The following METTL8 variants were observed in gnomAD, a reference collection of about 807,000 sequenced individuals.
The protein encoded by METTL8 is methyltransferase 8, tRNA N3-cytidine, also known as tRNA N(3)-cytidine methyltransferase METTL8, mitochondrial.
Under a neutral mutation model 48.7 loss-of-function variants are expected in METTL8, and 32 were observed. That is an observed-to-expected ratio of 0.66 (90% CI 0.50 to 0.88). The LOEUF is 0.88. Ranked by LOEUF, METTL8 falls within the 40% of genes least tolerant of loss-of-function variation. The probability of loss-of-function intolerance (pLI) is 0.00; values close to 1 mark genes in which losing one functional copy is unlikely to be tolerated. For missense variants in METTL8, 464 were observed against 474.4 expected (o/e 0.98, Z 0.20); for synonymous variants, 136 against 157.1 (o/e 0.87, Z 1.01).
intron 7 of METTL8, 103 bp downstream of exon 7, chr2:171,330,456 A>T: frequency 1.8e-6 from 2 of 1,134,898 alleles, no homozygotes; most frequent in Non-Finnish European, 2.5e-6. Flanking sequence ...GTTGCTCACT[A>T]AATAATAAAT....
At chr2:171,360,338 A>G in intron 3 of METTL8, 84 bp downstream of exon 3, 2 of 1,139,456 alleles carry the variant, frequency 1.8e-6, no homozygotes, top group South Asian at 2.8e-5. Context: ...AGGAGAGGCT[A>G]AGAACTCTCA....
chr2:171,335,041 T>G (rs1313995866), intron 5 of METTL8, among the ~76,000 whole-genome samples: 1 of 152,192 alleles, frequency 6.6e-6, no homozygotes, highest in Non-Finnish European at 1.5e-5. Flanking sequence ...TGTATTTACG[T>G]GTATTATAAG....
At chr2:171,328,423 C>A (rs1380026988) in intron 7 of METTL8, among the ~76,000 whole-genome samples, 12 of 152,214 alleles carry the variant, frequency 7.9e-5, no homozygotes, top group African/African-American at 2.9e-4. Flanking sequence ...ATTTTCCAAG[C>A]TACCAAGATG....
chr2:171,393,399 T>TA (rs1688765589), intron 1 of METTL8, among the ~76,000 whole-genome samples: 1 of 9,384 alleles, frequency 1.1e-4, no homozygotes, highest in African/African-American at 4.0e-4. Flanking sequence ...CTCTGTCTTA[T>TA]AAAAAAGCAA....
intron 1 of METTL8, among the ~76,000 whole-genome samples, chr2:171,424,792 A>C (rs1481177535): frequency 6.6e-6 from 1 of 152,208 alleles, no homozygotes; most frequent in Non-Finnish European, 1.5e-5. Context: ...TGCTGGAATA[A>C]GACTTTGGGA....
At chr2:171,352,903 T>A (rs1388871558) in intron 3 of METTL8, among the ~76,000 whole-genome samples, 3 of 152,236 alleles carry the variant, frequency 2.0e-5, no homozygotes, top group Admixed American at 1.3e-4. Context: ...ATTTTGTTGA[T>A]CTTTTCAAAA....
At chr2:171,415,703 T>C (rs1691246536) in intron 1 of METTL8, among the ~76,000 whole-genome samples, 1 of 152,136 alleles carries the variant, frequency 6.6e-6, no homozygotes, top group South Asian at 2.1e-4. Flanking sequence ...TTAGAAAATA[T>C]AAAAATATTT....
intron 1 of METTL8, among the ~76,000 whole-genome samples, chr2:171,407,941 C>G (rs1312763498): frequency 6.6e-6 from 1 of 152,210 alleles, no homozygotes; most frequent in East Asian, 1.9e-4. Flanking sequence ...ACATAGCACA[C>G]AACAGCACAG....
chr2:171,342,567 G>A (rs77399523), intron 3 of METTL8, among the ~76,000 whole-genome samples: 5,995 of 151,926 alleles, frequency 0.039, 167 homozygotes, highest in African/African-American at 0.069. Flanking sequence ...TTATAAAAGA[G>A]TCAAATTTCT....
chr2:171,340,194 G>A (rs1400819762), intron 3 of METTL8, among the ~76,000 whole-genome samples: 5 of 29,958 alleles, frequency 1.7e-4, no homozygotes, highest in Admixed American at 5.7e-4. Context: ...GTGAAACTCT[G>A]TCTCAAAAAA....
chr2:171,334,130 G>A (rs902876647), intron 5 of METTL8, among the ~76,000 whole-genome samples: 1 of 151,688 alleles, frequency 6.6e-6, no homozygotes, highest in Non-Finnish European at 1.5e-5. Context: ...CTTCCATATA[G>A]TTCAAAATGC....
At chr2:171,376,292 T>C (rs1248798374) in intron 2 of METTL8, among the ~76,000 whole-genome samples, 1 of 152,202 alleles carries the variant, frequency 6.6e-6, no homozygotes, top group Non-Finnish European at 1.5e-5. Context: ...AGTTAAATCC[T>C]ACCTGCTCTT....
chr2:171,410,101 A>G (rs1690596606), intron 1 of METTL8, among the ~76,000 whole-genome samples: 1 of 152,236 alleles, frequency 6.6e-6, no homozygotes. Flanking sequence ...TATGTTCTTA[A>G]TCTCCAAGGA....
intron 2 of METTL8, among the ~76,000 whole-genome samples, chr2:171,381,780 C>CTTTTT (rs35185395): frequency 1.6e-5 from 2 of 125,684 alleles, no homozygotes; most frequent in African/African-American, 3.1e-5. Context: ...ATTAGGAACA[C>CTTTTT]TTTTTTTTTT....
rs1273114673 is a variant in METTL8 at position 171,392,121 on chromosome 2, T to C, written c.65A>G (p.Gln22Arg). Residue 22 changes from glutamine (Q) to arginine (R), a missense_variant, in exon 2 of 10, where the codon CAA becomes CGA. Coordinates refer to ENST00000375258, the MANE Select transcript of METTL8 (RefSeq NM_001321154.2). ...LRLGKVPHRY[Q>R]SGYHPVAPLG... is the part of the protein sequence containing the mutation. ...AGGGGCCACTGGGTGGTAACCACTTTGGTATCTGTGTGGCACCTTTCCTAG... is the reference window on the plus strand; with the variant it reads ...AGGGGCCACTGGGTGGTAACCACTTCGGTATCTGTGTGGCACCTTTCCTAG... The C allele has an allele frequency of 2.6e-6, 4 of 1,551,642 alleles. No individual in the cohort carries two copies. Among genetic ancestry groups the C allele is most frequent in the South Asian group, 1.2e-5 (1 of 84,054 alleles).
chr2:171,402,301 G>A (rs1369245208), intron 1 of METTL8, among the ~76,000 whole-genome samples: 1 of 152,128 alleles, frequency 6.6e-6, no homozygotes, highest in Non-Finnish European at 1.5e-5. Context: ...GGATATGAAT[G>A]GTGCCTATAA....
chr2:171,380,105 A>G (rs753808129), intron 2 of METTL8, among the ~76,000 whole-genome samples: 1 of 152,222 alleles, frequency 6.6e-6, no homozygotes, highest in Non-Finnish European at 1.5e-5. Context: ...TATGCAAATC[A>G]ATAAGCATAA....
At chr2:171,434,595 G>T (rs759528673), upstream of METTL8, 10 of 1,527,828 alleles carry the variant, frequency 6.5e-6, no homozygotes, top group Non-Finnish European at 8.7e-6. Flanking sequence ...CGACCCGGAA[G>T]CCCAACGTGT....
At chr2:171,434,625 G>A, upstream of METTL8, 3 of 1,531,390 alleles carry the variant, frequency 2.0e-6, no homozygotes, top group Non-Finnish European at 2.6e-6. Context: ...TGAGTCGCCG[G>A]GCGCTGGGCT....
Sources: allele counts gnomAD v4.1 joint callset (sites outside exome capture counted in the v4.1 genomes callset), GRCh38; gene constraint gnomAD v4.1.1; transcripts MANE v1.5; gene names NCBI Gene and HGNC (gene_info 2026-07-23, HGNC 2026-07-21).